Variants in MAML3 observed in about 807,000 individuals in gnomAD.
MAML3 encodes mastermind like transcriptional coactivator 3.
MAML3 carries 27 observed loss-of-function variants against 101.9 expected under a neutral mutation model. The observed-to-expected ratio is 0.27, with a 90% confidence interval of 0.20 to 0.37. The LOEUF is 0.37. Among genes scored for constraint, MAML3 ranks in the 10% least tolerant of loss-of-function variants. MAML3 has a pLI of 1.00. For synonymous variants in MAML3, 501 were observed against 555.9 expected, an observed-to-expected ratio of 0.90 and a Z score of 1.39; for missense variants, 1,316 against 1,444.9, an observed-to-expected ratio of 0.91 and a Z score of 1.45.
rs535707903 is a variant in MAML3, at chr4:140,080,382, G to T, written c.468+72478C>A. Among the ~76,000 whole-genome samples the T allele has an allele frequency of 1.1e-4, 16 of 152,300 alleles. 1 individual carries two copies. In the East Asian group the frequency reaches 2.9e-3, roughly 28 times the overall value. On this transcript the variant is annotated intron_variant, in intron 1 of 4. Coordinates refer to ENST00000509479, the MANE Select transcript of MAML3 (RefSeq NM_018717.5). ...ACTCAAAGCATGGTGTCTGGACTTG[G>T]TTCTCATCCTTTAAACGGTAATGTT...
chr4:140,070,605 C>G (rs1274364732), intron 1 of MAML3, among the ~76,000 whole-genome samples: 1 of 152,148 alleles, frequency 6.6e-6, no homozygotes, highest in Non-Finnish European at 1.5e-5. Flanking sequence ...ATTTGTTCAG[C>G]AAAGCCCAAG....
At chr4:139,926,773 C>A (rs1560838292) in intron 1 of MAML3, among the ~76,000 whole-genome samples, 2 of 152,180 alleles carry the variant, frequency 1.3e-5, no homozygotes, top group African/African-American at 2.4e-5. Flanking sequence ...TAACCATATG[C>A]TTACATAACC....
At chr4:139,825,410 A>G (rs113204877) in intron 2 of MAML3, among the ~76,000 whole-genome samples, 10 of 152,316 alleles carry the variant, frequency 6.6e-5, no homozygotes, top group African/African-American at 2.2e-4. Flanking sequence ...AGAGTGCTGG[A>G]TAAGGACTCC....
intron 1 of MAML3, among the ~76,000 whole-genome samples, chr4:140,079,190 T>C (rs957140092): frequency 4.6e-5 from 7 of 152,140 alleles, no homozygotes; most frequent in Admixed American, 3.9e-4. Flanking sequence ...ACCGACTTTT[T>C]AAAAAAGGAA....
intron 1 of MAML3, among the ~76,000 whole-genome samples, chr4:139,941,550 G>A (rs992985213): frequency 4.6e-5 from 7 of 151,962 alleles, no homozygotes; most frequent in Non-Finnish European, 1.0e-4. Flanking sequence ...TGTTGGTGGT[G>A]GTGGTGGTGG....
chr4:139,929,783 T>C (rs1271035292), intron 1 of MAML3, among the ~76,000 whole-genome samples: 2 of 152,222 alleles, frequency 1.3e-5, no homozygotes, highest in African/African-American at 4.8e-5. Flanking sequence ...AATGTGTTCA[T>C]GTGTTTGCAG....
chr4:140,095,431 C>G (rs1728141013), intron 1 of MAML3, among the ~76,000 whole-genome samples: 1 of 152,096 alleles, frequency 6.6e-6, no homozygotes, highest in South Asian at 2.1e-4. Flanking sequence ...GCAACAACAC[C>G]CTGCGCTCCA....
chr4:140,135,972 C>T (rs1397610999), intron 1 of MAML3, among the ~76,000 whole-genome samples: 1 of 152,128 alleles, frequency 6.6e-6, no homozygotes, highest in African/African-American at 2.4e-5. Flanking sequence ...GAGCACCAAA[C>T]CACATAATAT....
chr4:140,049,642 A>G (rs1481970096), intron 1 of MAML3, among the ~76,000 whole-genome samples: 1 of 151,456 alleles, frequency 6.6e-6, no homozygotes, highest in Non-Finnish European at 1.5e-5. Flanking sequence ...TTTAATGAGT[A>G]TCTACGTATA....
At position 139,735,006 on chromosome 4, in the gene MAML3, G is replaced by A. The variant is rs1246471636; in HGVS notation, c.2080-4339C>T. Among the ~76,000 whole-genome samples the A allele has an allele frequency of 6.6e-6, 1 of 152,166 alleles. No individual in the cohort carries two copies. The highest frequency in any genetic ancestry group is 1.5e-5 in the Non-Finnish European group (1 of 68,016). Reference sequence around the variant, plus strand: ...GTGGTGTCAGCCCGGCCTCGTGCCCGGCCGCCGCTGCGCCCGCGCCCCCTC... The same window carrying A: ...GTGGTGTCAGCCCGGCCTCGTGCCCAGCCGCCGCTGCGCCCGCGCCCCCTC... On this transcript the variant is annotated intron_variant, in intron 2 of 4. Coordinates refer to ENST00000509479, the MANE Select transcript of MAML3 (RefSeq NM_018717.5). This position sits in a 1 kb window ranked among gnomAD's most constrained non-coding sequence, Gnocchi z 5.8.
At chr4:140,053,912 G>A (rs570508713) in intron 1 of MAML3, among the ~76,000 whole-genome samples, 1 of 152,162 alleles carries the variant, frequency 6.6e-6, no homozygotes, top group Non-Finnish European at 1.5e-5. Flanking sequence ...ACATCAGGCA[G>A]GCTAGGGTTT....
intron 1 of MAML3, among the ~76,000 whole-genome samples, chr4:140,026,515 A>C (rs1451070787): frequency 6.6e-6 from 1 of 152,152 alleles, no homozygotes; most frequent in Non-Finnish European, 1.5e-5. Flanking sequence ...CAGCCTCCCA[A>C]AGTGCTGGGA....
intron 1 of MAML3, among the ~76,000 whole-genome samples, chr4:140,126,686 G>T (rs999640383): frequency 6.6e-6 from 1 of 152,120 alleles, no homozygotes; most frequent in Non-Finnish European, 1.5e-5. Flanking sequence ...CCAGACCTCT[G>T]GCTAAACTCT....
intron 1 of MAML3, among the ~76,000 whole-genome samples, chr4:140,088,932 G>C (rs896794742): frequency 2.6e-5 from 4 of 152,140 alleles, no homozygotes; most frequent in Non-Finnish European, 5.9e-5. Flanking sequence ...TTGAACAAAT[G>C]AACTACGGAA....
chr4:140,110,263 C>T (rs920715582), intron 1 of MAML3, among the ~76,000 whole-genome samples: 2 of 152,222 alleles, frequency 1.3e-5, no homozygotes, highest in East Asian at 1.9e-4. Context: ...AACGCTTGCA[C>T]AGGGGCAATG....
At chr4:139,724,557 C>T (rs955356739) in intron 4 of MAML3, among the ~76,000 whole-genome samples, 2 of 152,096 alleles carry the variant, frequency 1.3e-5, no homozygotes, top group Non-Finnish European at 2.9e-5. Flanking sequence ...TTATATGTTT[C>T]TCTGCAAGAG....
intron 1 of MAML3, among the ~76,000 whole-genome samples, chr4:140,042,046 C>A (rs1266560610): frequency 2.0e-5 from 3 of 152,080 alleles, no homozygotes; most frequent in Non-Finnish European, 4.4e-5. Flanking sequence ...CTGTGAAGTA[C>A]GAAGTATTAT....
chr4:139,785,741 G>T lies in MAML3; in HGVS notation c.2080-55074C>A, dbSNP rs1038814065. Among the ~76,000 whole-genome samples, 32 of 152,090 alleles carry T rather than the reference G, an allele frequency of 2.1e-4. 1 individual carries two copies. Among genetic ancestry groups the T allele is most frequent in the Admixed American group, 4.6e-4 (7 of 15,268 alleles). Reference sequence around the variant, plus strand: ...GCTACTGAGGGTTTTGGGTGGTGGAGCTATGCTGTGTTTTAAGAAGAGTCC... The same window carrying T: ...GCTACTGAGGGTTTTGGGTGGTGGATCTATGCTGTGTTTTAAGAAGAGTCC... On this transcript the variant is annotated intron_variant, in intron 2 of 4. Coordinates refer to ENST00000509479, the MANE Select transcript of MAML3 (RefSeq NM_018717.5). This position sits in a 1 kb window ranked among gnomAD's most constrained non-coding sequence, Gnocchi z 4.3.
intron 1 of MAML3, among the ~76,000 whole-genome samples, chr4:139,892,681 A>G (rs1450140598): frequency 6.6e-6 from 1 of 151,944 alleles, no homozygotes; most frequent in African/African-American, 2.4e-5. Flanking sequence ...GTTAAAGTCC[A>G]AATCGGGGCC....
Sources: allele counts gnomAD v4.1 joint callset (sites outside exome capture counted in the v4.1 genomes callset), GRCh38; gene constraint gnomAD v4.1.1; non-coding constraint Gnocchi (gnomAD v3.1); transcripts MANE v1.5; gene names NCBI Gene and HGNC (gene_info 2026-07-23, HGNC 2026-07-21).